Variants in KLHL29 observed in about 807,000 individuals in gnomAD.
The protein encoded by KLHL29 is kelch-like protein 29.
KLHL29 carries 21 observed loss-of-function variants against 80.4 expected under a neutral mutation model. The ratio of observed to expected loss-of-function variants is 0.26; its 90% CI spans 0.19 to 0.38. The LOEUF (loss-of-function observed/expected upper bound fraction) is 0.38, where lower values mean the gene tolerates loss of function less well. Among genes scored for constraint, KLHL29 ranks in the 10% least tolerant of loss-of-function variants. The pLI is 1.00. For missense variants in KLHL29, 867 were observed against 1,223.9 expected (o/e 0.71, Z 4.35); for synonymous variants, 511 against 526.8 (o/e 0.97, Z 0.41).
chr2:23,543,615 G>A (rs1404881113), intron 2 of KLHL29, among the ~76,000 whole-genome samples: 1 of 152,174 alleles, frequency 6.6e-6, no homozygotes. Context: ...TTCCAGATGG[G>A]GGAAAGAACA....
intron 1 of KLHL29, among the ~76,000 whole-genome samples, chr2:23,432,369 G>A (rs1024075743): frequency 2.0e-5 from 3 of 152,178 alleles, no homozygotes; most frequent in African/African-American, 7.2e-5. Context: ...GCTCTTAGCT[G>A]GTTACAGTTA....
At chr2:23,551,786 T>C (rs1667136687) in intron 2 of KLHL29, among the ~76,000 whole-genome samples, 1 of 152,160 alleles carries the variant, frequency 6.6e-6, no homozygotes, top group South Asian at 2.1e-4. Flanking sequence ...CCACCCCTCA[T>C]CTTGTTAAAA....
Position 23,696,404 on chromosome 2 carries a change from G to C in KLHL29, c.1996G>C (p.Val666Leu), listed in dbSNP as rs1671961129. Reference protein sequence around the residue: ...YMSLLDNWNLVSRMTVPRCRH... With the variant: ...YMSLLDNWNLLSRMTVPRCRH... ...GTCCCTGCTTGATAACTGGAACCTCGTCTCCAGAATGACAGTCCCCCGCTG... is the reference window on the plus strand; with the variant it reads ...GTCCCTGCTTGATAACTGGAACCTCCTCTCCAGAATGACAGTCCCCCGCTG... Residue 666 changes from valine to leucine, a missense_variant, in exon 11 of 14, where the codon GTC becomes CTC. Around this residue, in one of 2 missense-constraint regions of KLHL29, gnomAD observed 443 missense variants for 767.0 expected, o/e 0.58. Transcript: ENST00000486442. This position sits in a 1 kb window ranked among gnomAD's most constrained non-coding sequence, Gnocchi z 5.5. The C allele has an allele frequency of 6.4e-7, 1 of 1,551,406 alleles. No individual in the cohort carries two copies. Among genetic ancestry groups the C allele is most frequent in the African/African-American group, 1.4e-5 (1 of 73,006 alleles).
intron 1 of KLHL29, among the ~76,000 whole-genome samples, chr2:23,472,788 A>C (rs1664534036): frequency 6.6e-6 from 1 of 152,212 alleles, no homozygotes; most frequent in Admixed American, 6.5e-5. Flanking sequence ...CTAGGAGTTA[A>C]AGAACTTACC....
chr2:23,626,332 C>A (rs1034212178), intron 3 of KLHL29, among the ~76,000 whole-genome samples: 2 of 152,196 alleles, frequency 1.3e-5, no homozygotes, highest in African/African-American at 4.8e-5. Flanking sequence ...ACCCATCACT[C>A]GCCTCCTGCT....
intron 3 of KLHL29, among the ~76,000 whole-genome samples, chr2:23,599,826 G>A (rs561142551): frequency 2.0e-4 from 30 of 152,312 alleles, no homozygotes; most frequent in African/African-American, 7.0e-4. Flanking sequence ...CCCGCCCGAC[G>A]CCACGTCCCT....
chr2:23,698,271 A>AGAGT (rs56148710), intron 11 of KLHL29, among the ~76,000 whole-genome samples: 81,485 of 151,934 alleles, frequency 0.54, 22,575 homozygotes, highest in East Asian at 0.79. Context: ...TCAGCCCACC[A>AGAGT]GAGTCTGCCA....
intron 3 of KLHL29, among the ~76,000 whole-genome samples, chr2:23,578,960 C>A (rs1451803464): frequency 1.3e-5 from 2 of 152,206 alleles, no homozygotes; most frequent in Non-Finnish European, 2.9e-5. Flanking sequence ...AGAGCACTTG[C>A]TGTGCCTCCA....
chr2:23,618,102 T>C (rs893281829), intron 3 of KLHL29: 1 of 151,704 alleles, frequency 6.6e-6, no homozygotes, highest in Non-Finnish European at 1.5e-5. Context: ...GGGAAGGGAG[T>C]GCCAGAGGAA....
At chr2:23,654,471 G>T (rs1670176930) in intron 5 of KLHL29, among the ~76,000 whole-genome samples, 1 of 152,176 alleles carries the variant, frequency 6.6e-6, no homozygotes, top group African/African-American at 2.4e-5. Flanking sequence ...TATATTTTCA[G>T]TCTTTCTTTT....
intron 3 of KLHL29, among the ~76,000 whole-genome samples, chr2:23,600,614 T>A (rs1668544927): frequency 1.3e-5 from 2 of 152,178 alleles, no homozygotes; most frequent in Non-Finnish European, 2.9e-5. Context: ...TTTGTGCGGT[T>A]TTGCCCTTTT....
In KLHL29 at chr2:23,454,306, G is replaced by A. The variant is rs187701288; in HGVS notation, c.-153-21254G>A. Among the ~76,000 whole-genome samples, 7 of 146,700 alleles carry A rather than the reference G, an allele frequency of 4.8e-5. No individual in the cohort carries two copies. In the South Asian group the frequency reaches 1.1e-3, roughly 24 times the overall value. On this transcript the variant is annotated intron_variant, in intron 1 of 13. Coordinates refer to ENST00000486442, the MANE Select transcript of KLHL29 (RefSeq NM_052920.2). ...GTCACCTCCCCTCCCCTCCTGTCAC[G>A]TCCTGTGTCCCATTCCAGTCCCATA...
chr2:23,440,123 A>G (rs1209476609), intron 1 of KLHL29, among the ~76,000 whole-genome samples: 2 of 152,134 alleles, frequency 1.3e-5, no homozygotes, highest in East Asian at 3.8e-4. Context: ...ATCAGAGACT[A>G]GGATTGCAAC....
At chr2:23,676,963 C>CCTT (rs1670941411) in intron 5 of KLHL29, among the ~76,000 whole-genome samples, 5 of 152,202 alleles carry the variant, frequency 3.3e-5, no homozygotes, top group Admixed American at 1.3e-4. Context: ...GTGACTAGAT[C>CCTT]TAGGTCTCCC....
chr2:23,637,375 C>T (rs940385579), intron 3 of KLHL29, among the ~76,000 whole-genome samples: 2 of 152,114 alleles, frequency 1.3e-5, no homozygotes, highest in African/African-American at 4.8e-5. Flanking sequence ...TTAGTGAGTG[C>T]GGCTAAGTCC....
chr2:23,616,132 A>T (rs935943108), intron 3 of KLHL29, among the ~76,000 whole-genome samples: 1 of 152,108 alleles, frequency 6.6e-6, no homozygotes, highest in Non-Finnish European at 1.5e-5. Flanking sequence ...TGCTTCTGCC[A>T]TGCTCCCCTA....
intron 5 of KLHL29, among the ~76,000 whole-genome samples, chr2:23,683,199 A>G (rs1036818736): frequency 4.6e-5 from 7 of 152,206 alleles, no homozygotes; most frequent in Non-Finnish European, 8.8e-5. Flanking sequence ...ACAACCAATG[A>G]GGCTGGAGCA....
chr2:23,524,348 A>G (rs13432722), intron 2 of KLHL29: 9,272 of 196,086 alleles, frequency 0.047, 486 homozygotes, highest in African/African-American at 0.14. Flanking sequence ...AGGAAGACCC[A>G]GGAAGTAGCA....
At chr2:23,560,459 T>C (rs1667421131) in intron 2 of KLHL29, among the ~76,000 whole-genome samples, 1 of 152,068 alleles carries the variant, frequency 6.6e-6, no homozygotes, top group African/African-American at 2.4e-5. Context: ...TTAGTAGAGA[T>C]GGGGTTTCAC....
Sources: gnomAD v4.1 joint callset for allele counts (sites outside exome capture counted in the v4.1 genomes callset) on GRCh38, gnomAD v4.1.1 for gene constraint, gnomAD v4.1.1 regional missense constraint, Gnocchi (gnomAD v3.1) non-coding constraint, MANE v1.5 for transcripts, NCBI Gene and HGNC (gene_info 2026-07-23, HGNC 2026-07-21) for gene names.